Variants in THSD4 observed in about 807,000 individuals in gnomAD.
The protein encoded by THSD4 is thrombospondin type 1 domain containing 4, also known as thrombospondin type-1 domain-containing protein 4.
Under a neutral mutation model 119.0 loss-of-function variants are expected in THSD4, and 69 were observed. The ratio of observed to expected loss-of-function variants is 0.58; its 90% confidence interval spans 0.48 to 0.71. The LOEUF (loss-of-function observed/expected upper bound fraction) is 0.71, where lower values mean the gene tolerates loss of function less well. THSD4 is among the 30% of genes least tolerant of loss of function. THSD4 has a pLI of 0.00. For synonymous variants in THSD4, 524 were observed against 540.4 expected, an observed-to-expected ratio of 0.97 and a Z score of 0.42; for missense variants, 1,393 against 1,391.1, an observed-to-expected ratio of 1.00 and a Z score of -0.02.
chr15:71,539,679 C>T (rs921422795), intron 7 of THSD4, among the ~76,000 whole-genome samples: 1 of 152,058 alleles, frequency 6.6e-6, no homozygotes, highest in Non-Finnish European at 1.5e-5. Flanking sequence ...AGGAATATAC[C>T]TTCTGGGAAT....
intron 4 of THSD4, among the ~76,000 whole-genome samples, chr15:71,239,794 G>A (rs765737259): frequency 2.0e-5 from 3 of 152,152 alleles, no homozygotes; most frequent in African/African-American, 2.4e-5. Context: ...CCCTGCAAGC[G>A]GCCAGATGGA....
At chr15:71,185,052 C>T (rs972349440) in intron 3 of THSD4, among the ~76,000 whole-genome samples, 1 of 151,686 alleles carries the variant, frequency 6.6e-6, no homozygotes, top group Non-Finnish European at 1.5e-5. Flanking sequence ...GCATCAAAAC[C>T]TTTGAGCTAA....
chr15:71,655,333 A>ATTTTG (rs2051168538), intron 7 of THSD4, among the ~76,000 whole-genome samples: 1 of 152,072 alleles, frequency 6.6e-6, no homozygotes, highest in South Asian at 2.1e-4. Flanking sequence ...ACCTTGGCCG[A>ATTTTG]TTTTGTTTTG....
chr15:71,194,382 G>A (rs781535947), intron 3 of THSD4, among the ~76,000 whole-genome samples: 2 of 152,180 alleles, frequency 1.3e-5, no homozygotes, highest in African/African-American at 2.4e-5. Flanking sequence ...ACCTGCTACT[G>A]AGAAGCCCAG....
chr15:71,532,281 A>AGT (rs1321666806), intron 7 of THSD4, among the ~76,000 whole-genome samples: 685 of 113,104 alleles, frequency 6.1e-3, no homozygotes, highest in Non-Finnish European at 9.1e-3. Flanking sequence ...AGAGAGAGAG[A>AGT]GAGTGTGTGT....
chr15:71,480,476 A>G (rs2047713975), intron 7 of THSD4, among the ~76,000 whole-genome samples: 1 of 152,212 alleles, frequency 6.6e-6, no homozygotes. Flanking sequence ...TAAGTTGTAT[A>G]TCTGTTAACT....
At chr15:71,355,566 CA>C (rs1201405924) in intron 6 of THSD4, among the ~76,000 whole-genome samples, 1 of 152,120 alleles carries the variant, frequency 6.6e-6, no homozygotes, top group Non-Finnish European at 1.5e-5. Flanking sequence ...GTGTGTTGTT[CA>C]GTGGTGCCTA....
At chr15:71,157,989 G>T (rs762190915) in intron 3 of THSD4, among the ~76,000 whole-genome samples, 1 of 151,594 alleles carries the variant, frequency 6.6e-6, no homozygotes, top group Non-Finnish European at 1.5e-5. Flanking sequence ...CATTTCCTTT[G>T]GATATATATG....
chr15:71,256,763 T>G (rs1295147245), intron 6 of THSD4, 48 bp downstream of exon 6: 4 of 1,548,948 alleles, frequency 2.6e-6, no homozygotes, highest in Admixed American at 1.7e-5. Flanking sequence ...TAGTCTGTTT[T>G]CCATTCTTGT....
chr15:71,349,763 T>G (rs989004051), intron 6 of THSD4, among the ~76,000 whole-genome samples: 4 of 152,140 alleles, frequency 2.6e-5, no homozygotes, highest in Non-Finnish European at 5.9e-5. Flanking sequence ...TGAGGCTGCA[T>G]GTGCTTAGGT....
intron 7 of THSD4, among the ~76,000 whole-genome samples, chr15:71,522,434 C>A (rs28587226): frequency 6.6e-6 from 1 of 152,134 alleles, no homozygotes; most frequent in African/African-American, 2.4e-5. Context: ...TAGAAGACAG[C>A]TTCTCTCTGA....
chr15:71,107,226 T>G (rs2040277652), intron 1 of THSD4, among the ~76,000 whole-genome samples: 1 of 152,204 alleles, frequency 6.6e-6, no homozygotes, highest in African/African-American at 2.4e-5. Context: ...AAACTTCAGA[T>G]GCTGACAAGT....
chr15:71,668,907 T>G (rs1309439194), intron 8 of THSD4, among the ~76,000 whole-genome samples: 1 of 152,256 alleles, frequency 6.6e-6, no homozygotes, highest in Non-Finnish European at 1.5e-5. Context: ...TGGAAGAAAC[T>G]GAGCAAATTC....
At chr15:71,259,271 G>A (rs1267910242) in intron 6 of THSD4, among the ~76,000 whole-genome samples, 1 of 152,142 alleles carries the variant, frequency 6.6e-6, no homozygotes, top group Admixed American at 6.5e-5. Context: ...AGACAAGGAA[G>A]CATCCTTGCC....
chr15:71,664,863 A>G (rs986846328), intron 8 of THSD4, among the ~76,000 whole-genome samples: 2 of 152,166 alleles, frequency 1.3e-5, no homozygotes, highest in African/African-American at 4.8e-5. Context: ...CATGGTGTAT[A>G]TGTACCACAT....
At chr15:71,250,017 C>T (rs1037843316) in intron 5 of THSD4, among the ~76,000 whole-genome samples, 1 of 152,176 alleles carries the variant, frequency 6.6e-6, no homozygotes, top group Non-Finnish European at 1.5e-5. Flanking sequence ...CAGTTAACTC[C>T]TTCCTTTGCA....
chr15:71,462,444 T>C (rs1289631911), intron 7 of THSD4, among the ~76,000 whole-genome samples: 1 of 152,212 alleles, frequency 6.6e-6, no homozygotes, highest in Non-Finnish European at 1.5e-5. Flanking sequence ...TGAGCCACCA[T>C]GCCCAGCCCA....
intron 6 of THSD4, among the ~76,000 whole-genome samples, chr15:71,320,136 CG>C (rs1195335179): frequency 2.0e-5 from 3 of 152,080 alleles, no homozygotes; most frequent in Non-Finnish European, 2.9e-5. Flanking sequence ...TTCTAGTTCC[CG>C]AAGTTGGCCT....
chr15:71,361,831 G>A (rs2045895300), intron 6 of THSD4, among the ~76,000 whole-genome samples: 1 of 152,226 alleles, frequency 6.6e-6, no homozygotes, highest in African/African-American at 2.4e-5. Context: ...GAGACTTTGT[G>A]TATGTGCTGA....
Sources: gnomAD v4.1 joint callset for allele counts (sites outside exome capture counted in the v4.1 genomes callset) on GRCh38, gnomAD v4.1.1 for gene constraint, MANE v1.5 for transcripts, NCBI Gene and HGNC (gene_info 2026-07-23, HGNC 2026-07-21) for gene names.